KCND2: variants seen among roughly 807,000 people sequenced by gnomAD.
KCND2 encodes potassium voltage-gated channel subfamily D member 2.
In KCND2, 16 loss-of-function variants were observed where a neutral mutation model predicts 54.4. The observed-to-expected ratio is 0.29, with a 90% CI of 0.20 to 0.45. KCND2 has a LOEUF of 0.45. Ranked by LOEUF, KCND2 falls within the 20% of genes least tolerant of loss-of-function variation. KCND2 has a pLI of 1.00. For missense variants in KCND2, 486 were observed against 824.2 expected (o/e 0.59, Z 5.02); for synonymous variants, 317 against 310.7 (o/e 1.02, Z -0.21).
At chr7:120,534,664 A>G (rs1791880868) in intron 1 of KCND2, among the ~76,000 whole-genome samples, 1 of 152,160 alleles carries the variant, frequency 6.6e-6, no homozygotes, top group Non-Finnish European at 1.5e-5. Context: ...GACAACCTAT[A>G]TACTATAGTA....
At chr7:120,294,580 G>A (rs73429979) in intron 1 of KCND2, among the ~76,000 whole-genome samples, 3,233 of 151,724 alleles carry the variant, frequency 0.021, 128 homozygotes, top group African/African-American at 0.074. Flanking sequence ...TTATCTAACT[G>A]AAAGTTTAGA....
chr7:120,344,823 C>T (rs1800290951), intron 1 of KCND2, among the ~76,000 whole-genome samples: 1 of 152,096 alleles, frequency 6.6e-6, no homozygotes, highest in Admixed American at 6.6e-5. Context: ...CAACATCATC[C>T]CATAAATAAA....
At chr7:120,394,791 G>A (rs901025596) in intron 1 of KCND2, among the ~76,000 whole-genome samples, 27 of 151,988 alleles carry the variant, frequency 1.8e-4, no homozygotes, top group Non-Finnish European at 2.1e-4. Flanking sequence ...GTGTCATAAT[G>A]TTTGCAAAGG....
At chr7:120,397,677 G>A (rs1801174224) in intron 1 of KCND2, among the ~76,000 whole-genome samples, 1 of 151,842 alleles carries the variant, frequency 6.6e-6, no homozygotes, top group South Asian at 2.1e-4. Flanking sequence ...TCAGGTTGTA[G>A]ATTTAGCATT....
intron 1 of KCND2, among the ~76,000 whole-genome samples, chr7:120,448,009 G>A (rs1802042211): frequency 6.6e-6 from 1 of 152,002 alleles, no homozygotes; most frequent in Non-Finnish European, 1.5e-5. Context: ...TTGAGAAACT[G>A]GACCCAAAAA....
intron 1 of KCND2, among the ~76,000 whole-genome samples, chr7:120,622,817 C>T (rs547625737): frequency 4.1e-4 from 62 of 151,798 alleles, no homozygotes; most frequent in African/African-American, 1.5e-3. Flanking sequence ...ACTATATGCC[C>T]TTTACTATCA....
chr7:120,710,150 A>C (rs1329410771), intron 1 of KCND2, among the ~76,000 whole-genome samples: 4 of 152,160 alleles, frequency 2.6e-5, no homozygotes, highest in African/African-American at 9.7e-5. Flanking sequence ...TATTTTACCA[A>C]GATAAAGATA....
intron 1 of KCND2, among the ~76,000 whole-genome samples, chr7:120,649,347 G>GA (rs755473758): frequency 1.3e-5 from 2 of 151,632 alleles, no homozygotes; most frequent in Admixed American, 6.6e-5. Context: ...TTGCAGTGGG[G>GA]AAAAAATCTT....
At chr7:120,629,422 T>C (rs994003261) in intron 1 of KCND2, among the ~76,000 whole-genome samples, 9 of 150,954 alleles carry the variant, frequency 6.0e-5, no homozygotes, top group South Asian at 2.1e-4. Flanking sequence ...GGAGGCGGAG[T>C]TTGCAGTGAG....
intron 1 of KCND2, among the ~76,000 whole-genome samples, chr7:120,426,588 GTTTT>G (rs1168044122): frequency 1.0e-5 from 1 of 96,638 alleles, no homozygotes; most frequent in Non-Finnish European, 2.2e-5. Flanking sequence ...GTTTTTCTTT[GTTTT>G]TTTTTTTTTT....
intron 1 of KCND2, among the ~76,000 whole-genome samples, chr7:120,561,715 G>A (rs374388018): frequency 7.2e-6 from 1 of 138,372 alleles, no homozygotes; most frequent in Non-Finnish European, 1.5e-5. Context: ...AGGTACAAGC[G>A]ATTCTGCTGT....
chr7:120,696,713 A>T (rs568979696), intron 1 of KCND2, among the ~76,000 whole-genome samples: 1 of 152,174 alleles, frequency 6.6e-6, no homozygotes, highest in South Asian at 2.1e-4. Flanking sequence ...TTCAGCCACC[A>T]CTTGCTCTCT....
chr7:120,675,568 G>A (rs1482110834), intron 1 of KCND2, among the ~76,000 whole-genome samples: 1 of 151,990 alleles, frequency 6.6e-6, no homozygotes, highest in Non-Finnish European at 1.5e-5. Context: ...GTGAATGCAT[G>A]TTTATATGAA....
chr7:120,382,138 C>G (rs1041233414), intron 1 of KCND2, among the ~76,000 whole-genome samples: 1 of 151,924 alleles, frequency 6.6e-6, no homozygotes, highest in South Asian at 2.1e-4. Context: ...GTTTTCCTTT[C>G]TTTTTAAATT....
rs185437803 is a variant in KCND2 at position 120,695,074 on chromosome 7, T to C, written c.1116-37829T>C. On this transcript the variant is annotated intron_variant, in intron 1 of 5. Transcript: ENST00000331113. ...TTCCCAGCAAAGTTTGCAAATTCCT[T>C]AGGGGTATAGTTCTTATCTCATTAC... Among the ~76,000 whole-genome samples, 4 of 152,286 alleles carry C rather than the reference T, an allele frequency of 2.6e-5. No individual in the cohort carries two copies. The East Asian group carries it at 7.7e-4, about 29-fold the overall frequency.
intron 1 of KCND2, among the ~76,000 whole-genome samples, chr7:120,619,866 A>T (rs1340725381): frequency 6.6e-6 from 1 of 152,196 alleles, no homozygotes; most frequent in Admixed American, 6.5e-5. Flanking sequence ...AAAATTGAAT[A>T]TCTAATTATA....
At chr7:120,404,298 A>G (rs959688879) in intron 1 of KCND2, among the ~76,000 whole-genome samples, 5 of 152,178 alleles carry the variant, frequency 3.3e-5, no homozygotes, top group Non-Finnish European at 7.3e-5. Flanking sequence ...AGACCCTCTC[A>G]TTAGTGCCAT....
intron 1 of KCND2, among the ~76,000 whole-genome samples, chr7:120,316,204 G>A (rs138229030): frequency 2.0e-5 from 3 of 152,098 alleles, no homozygotes; most frequent in African/African-American, 7.2e-5. Flanking sequence ...TTTCTGTCAA[G>A]AGTTGGAAAT....
intron 1 of KCND2, among the ~76,000 whole-genome samples, chr7:120,722,830 G>T (rs1187751308): frequency 1.3e-5 from 2 of 152,134 alleles, no homozygotes; most frequent in Non-Finnish European, 2.9e-5. Flanking sequence ...CATACACCTG[G>T]GGACCAGCTT....
Sources: allele counts gnomAD v4.1 joint callset (sites outside exome capture counted in the v4.1 genomes callset), GRCh38; gene constraint gnomAD v4.1.1; transcripts MANE v1.5; gene names NCBI Gene and HGNC (gene_info 2026-07-23, HGNC 2026-07-21).